NINL: variants seen among roughly 807,000 people sequenced by gnomAD.
The protein encoded by NINL is ninein-like protein.
In NINL, 153 loss-of-function variants were observed where a neutral mutation model predicts 160.3. The observed-to-expected ratio is 0.95, with a 90% CI of 0.84 to 1.09. The LOEUF (loss-of-function observed/expected upper bound fraction) is 1.09, where lower values mean the gene tolerates loss of function less well. Among genes scored for constraint, NINL ranks in the 50% least tolerant of loss-of-function variants. NINL has a pLI of 0.00. For missense variants in NINL, 1,829 were observed against 1,764.0 expected (o/e 1.04, Z -0.66); for synonymous variants, 800 against 734.8 (o/e 1.09, Z -1.43).
chr20:25,517,648 G>A lies in NINL; in HGVS notation c.277+105C>T, dbSNP rs1054069663. On this transcript the variant is annotated intron_variant, in intron 3 of 23. Transcript: ENST00000278886. The stretch of plus-strand genomic sequence containing the variant: ...ATACCTTGGGGGTGACAGAAAGTAA[G>A]GTAGAATTCAGTTTTCAGAACTGCT... The A allele has an allele frequency of 2.1e-5, 17 of 813,832 alleles. No individual in the cohort carries two copies. The African/African-American group carries it at 3.0e-4, about 14-fold the overall frequency. 50.4% of individuals were successfully genotyped at this position (813,832 alleles called of 1,614,324 possible). A position where few individuals can be genotyped will look rare whatever the true frequency, so the allele number is the denominator to read the frequency against.
rs570280873 is a variant in NINL, at chr20:25,500,960, G to A, written c.912C>T (p.Ser304=). Residue 304 remains serine (S), a synonymous_variant, in exon 8 of 24, where the codon TCC becomes TCT. Coordinates refer to ENST00000278886, the MANE Select transcript of NINL (RefSeq NM_025176.6). ...AGAAGAGGCGCAGGCTGGAGCACAG[G>A]GACACGAGGGATGAGGTTGTGGTGG... is the stretch of plus-strand genomic sequence containing the variant. ...CHTTTTSSLV[S]LCSSLRLFSS... is the part of the protein sequence containing the mutation. The A allele has an allele frequency of 4.5e-5, 72 of 1,614,204 alleles. 1 individual carries two copies. The South Asian group carries it at 7.5e-4, about 17-fold the overall frequency.
rs1357691215 is a variant in NINL, at chr20:25,482,062, C to T, written c.1716G>A (p.Leu572=). Residue 572 remains leucine (L), a synonymous_variant, in exon 14 of 24, where the codon CTG becomes CTA. Transcript: ENST00000278886. Reference sequence around the variant, plus strand: ...TGGGCAGCCGCGCCCACAGGCCTTCCAGCTCAGCTTGCAGCTCATCGTTGC... The same window carrying T: ...TGGGCAGCCGCGCCCACAGGCCTTCTAGCTCAGCTTGCAGCTCATCGTTGC... ...QDRNDELQAE[L]EGLWARLPKN... 6.3e-7 allele frequency: 1 copy of T among 1,598,492 alleles called. No homozygotes were observed.
At chr20:25,478,843 T>G (rs1568879288) in intron 16 of NINL, 80 bp downstream of exon 16, 1 of 1,462,546 alleles carries the variant, frequency 6.8e-7, no homozygotes, top group Non-Finnish European at 9.0e-7. Flanking sequence ...CAATTCTGAG[T>G]TGTTTCCTAA....
At chr20:25,577,731 G>A (rs914734794) in intron 1 of NINL, among the ~76,000 whole-genome samples, 5 of 152,128 alleles carry the variant, frequency 3.3e-5, no homozygotes, top group Non-Finnish European at 7.3e-5. Context: ...CCTGGCGGGG[G>A]AGCCCACCAC....
intron 1 of NINL, among the ~76,000 whole-genome samples, chr20:25,577,521 G>A (rs555432638): frequency 4.6e-5 from 7 of 152,310 alleles, no homozygotes; most frequent in South Asian, 4.1e-4. Context: ...AATCTGCACC[G>A]AGCAGACTCT....
intron 5 of NINL, among the ~76,000 whole-genome samples, chr20:25,506,960 C>T (rs1316105740): frequency 6.6e-6 from 1 of 152,168 alleles, no homozygotes; most frequent in Non-Finnish European, 1.5e-5. Flanking sequence ...ACAGGATTTT[C>T]CCAAGTGTCT....
chr20:25,579,648 T>C (rs1422832364), intron 1 of NINL, among the ~76,000 whole-genome samples: 1 of 152,088 alleles, frequency 6.6e-6, no homozygotes, highest in Non-Finnish European at 1.5e-5. Flanking sequence ...TCCACTACCC[T>C]GGCTGGGGGC....
At position 25,462,442 on chromosome 20, in the gene NINL, C is replaced by T. The variant is rs748030158; in HGVS notation, c.3523G>A (p.Val1175Met). The T allele has an allele frequency of 6.2e-7, 1 of 1,614,202 alleles. No homozygotes were observed. Among genetic ancestry groups the T allele is most frequent in the Non-Finnish European group, 8.5e-7 (1 of 1,180,040 alleles). Residue 1175 changes from valine to methionine, a missense_variant, in exon 20 of 24, where the codon GTG becomes ATG. By Grantham distance (21) the Val-to-Met change is conservative. Transcript: ENST00000278886. ...CTCTGTGTTAACATCTGAATGGTCA[C>T]ACGATGCTCCTCGTTTTGGGCCTGG... Reference protein sequence around the residue: ...THQAQNEEHRVTIQMLTQSLE... With the variant: ...THQAQNEEHRMTIQMLTQSLE...
intron 1 of NINL, among the ~76,000 whole-genome samples, chr20:25,563,604 A>C (rs1364715420): frequency 6.6e-6 from 1 of 152,230 alleles, no homozygotes; most frequent in African/African-American, 2.4e-5. Flanking sequence ...AAGGACTATC[A>C]GACTGAATGT....
chr20:25,464,633 G>A (rs1034910646), intron 19 of NINL, among the ~76,000 whole-genome samples: 8 of 152,082 alleles, frequency 5.3e-5, no homozygotes, highest in Non-Finnish European at 1.2e-4. Context: ...CCTGCCTCCC[G>A]GGGACAGCAG....
At chr20:25,533,357 A>G (rs1291505948) in intron 1 of NINL, among the ~76,000 whole-genome samples, 1 of 152,202 alleles carries the variant, frequency 6.6e-6, no homozygotes, top group Non-Finnish European at 1.5e-5. Flanking sequence ...TTCAGCCAGG[A>G]AACAAAACAG....
At chr20:25,466,316 C>T (rs111867643) in intron 19 of NINL, among the ~76,000 whole-genome samples, 3,193 of 152,120 alleles carry the variant, frequency 0.021, 102 homozygotes, top group African/African-American at 0.072. Flanking sequence ...GGCACTGCAC[C>T]CGGCCTGTAA....
intron 16 of NINL, among the ~76,000 whole-genome samples, chr20:25,478,272 G>A (rs1291983143): frequency 6.6e-6 from 1 of 152,190 alleles, no homozygotes; most frequent in Non-Finnish European, 1.5e-5. Context: ...CTGTCAGGCT[G>A]GGGGTGGCCT....
Position 25,478,115 on chromosome 20 carries a change from ATT to A in NINL, c.2201+806_2201+807del, listed in dbSNP as rs547497199. 1.8e-3 allele frequency among the ~76,000 whole-genome samples: 277 copies of A among 152,006 alleles called. 2 individuals carry two copies. The highest frequency in any genetic ancestry group is 6.4e-3 in the African/African-American group (265 of 41,472). On this transcript the variant is annotated intron_variant, in intron 16 of 23. Coordinates refer to ENST00000278886, the MANE Select transcript of NINL (RefSeq NM_025176.6). ...AGGCGCCTGCTACCATGCTCAGCTA[ATT>A]TTTTGTGTTTTTAGTAGAGACAGGG...
intron 19 of NINL, among the ~76,000 whole-genome samples, chr20:25,465,518 G>C (rs1404746310): frequency 6.6e-6 from 1 of 152,004 alleles, no homozygotes; most frequent in Non-Finnish European, 1.5e-5. Context: ...CACCCCCCAC[G>C]ACACTCCTTC....
intron 14 of NINL, among the ~76,000 whole-genome samples, chr20:25,480,870 C>A (rs1439850237): frequency 6.6e-6 from 1 of 152,194 alleles, no homozygotes; most frequent in Admixed American, 6.5e-5. Context: ...GACCCACAGG[C>A]ACCACCCTGG....
In NINL at chr20:25,512,931, C is replaced by T. The variant is rs1185570850; in HGVS notation, c.353G>A (p.Cys118Tyr). ...WYGRRSRPEL[C>Y]DAATEARRVP... is the part of the protein sequence containing the mutation. Reference sequence around the variant, plus strand: ...GCGTCTGGCTTCTGTGGCAGCGTCACATAGCTCAGGCCGGCTCCGACGGCC... The same window carrying T: ...GCGTCTGGCTTCTGTGGCAGCGTCATATAGCTCAGGCCGGCTCCGACGGCC... The change falls in exon 4 of 24, where the codon TGT becomes TAT. Residue 118 changes from cysteine to tyrosine, a missense_variant. Cys to Tyr is a radical substitution (Grantham distance 194). Coordinates refer to ENST00000278886, the MANE Select transcript of NINL (RefSeq NM_025176.6). The T allele has an allele frequency of 6.2e-7, 1 of 1,614,072 alleles. No individual in the cohort carries two copies. The highest frequency in any genetic ancestry group is 8.5e-7 in the Non-Finnish European group (1 of 1,180,034).
intron 1 of NINL, among the ~76,000 whole-genome samples, chr20:25,548,526 A>ACAGCTCCCACACC (rs1883310110): frequency 6.6e-6 from 1 of 151,860 alleles, no homozygotes; most frequent in Admixed American, 6.6e-5. Flanking sequence ...ACCCATGGCC[A>ACAGCTCCCACACC]CAGCTCCCAC....
At position 25,479,149 on chromosome 20, in the gene NINL, T is replaced by C; in HGVS notation, c.1975A>G (p.Lys659Glu). The change falls in exon 16 of 24, where the codon AAG becomes GAG. Residue 659 changes from lysine (K) to glutamate (E), a missense_variant. Lys to Glu is a moderately conservative substitution (Grantham distance 56). Coordinates refer to ENST00000278886, the MANE Select transcript of NINL (RefSeq NM_025176.6). ...ALKRNFEKER[K>E]DMEQARRREV... ...CGCCTGCGAGCCTGCTCCATGTCCTTCCTCTCCTTCTCAAAGTTCCTTTTC... is the reference window on the plus strand; with the variant it reads ...CGCCTGCGAGCCTGCTCCATGTCCTCCCTCTCCTTCTCAAAGTTCCTTTTC... 1 of 1,612,620 alleles carries C rather than the reference T, an allele frequency of 6.2e-7. No individual in the cohort carries two copies. The highest frequency in any genetic ancestry group is 1.7e-4 in the Middle Eastern group (1 of 6,056).
Sources: allele counts gnomAD v4.1 joint callset (sites outside exome capture counted in the v4.1 genomes callset), GRCh38; gene constraint gnomAD v4.1.1; transcripts MANE v1.5; gene names NCBI Gene and HGNC (gene_info 2026-07-23, HGNC 2026-07-21).